The following PRKCB variants were observed in gnomAD, a reference collection of about 807,000 sequenced individuals.
PRKCB encodes protein kinase C beta type.
PRKCB carries 13 observed loss-of-function variants against 81.5 expected under a neutral mutation model. The ratio of observed to expected loss-of-function variants is 0.16; its 90% CI spans 0.10 to 0.25. The LOEUF (loss-of-function observed/expected upper bound fraction) is 0.25, where lower values mean the gene tolerates loss of function less well. Among genes scored for constraint, PRKCB ranks in the 10% least tolerant of loss-of-function variants. The pLI is 1.00. For synonymous variants in PRKCB, 335 were observed against 321.4 expected (o/e 1.04, Z -0.45); for missense variants, 509 against 875.7 (o/e 0.58, Z 5.29).
chr16:23,931,186 G>T (rs1032832416), intron 2 of PRKCB, among the ~76,000 whole-genome samples: 4 of 152,208 alleles, frequency 2.6e-5, no homozygotes, highest in Admixed American at 6.5e-5. Context: ...TAATGCCGCT[G>T]TTAGCCCCAG....
intron 5 of PRKCB, among the ~76,000 whole-genome samples, chr16:24,038,393 T>C (rs1965651301): frequency 6.6e-6 from 1 of 152,250 alleles, no homozygotes. Flanking sequence ...AGAAGTTTAA[T>C]AGCACTTTGT....
At chr16:24,073,487 A>G (rs1465108207) in intron 5 of PRKCB, among the ~76,000 whole-genome samples, 1 of 152,118 alleles carries the variant, frequency 6.6e-6, no homozygotes, top group East Asian at 1.9e-4. Context: ...GCATGCCACC[A>G]TGTCTGGCTA....
chr16:24,191,103 A>G lies in PRKCB; in HGVS notation c.1736A>G (p.His579Arg). Reference sequence around the variant, plus strand: ...TTTCTCTCGAAGCTGATGACCAAACACCCAGGCAAACGTCTGGGTTGTGGA... The same window carrying G: ...TTTCTCTCGAAGCTGATGACCAAACGCCCAGGCAAACGTCTGGGTTGTGGA... ...VAICKGLMTKHPGKRLGCGPE... is the reference protein window; with the variant it reads ...VAICKGLMTKRPGKRLGCGPE... Residue 579 changes from histidine to arginine, a missense_variant, in exon 16 of 17, where the codon CAC (histidine) becomes CGC (arginine). His to Arg is a conservative substitution (Grantham distance 29, BLOSUM62 0). Transcript: ENST00000643927. 2 of 1,613,876 alleles carry G rather than the reference A, an allele frequency of 1.2e-6. No individual in the cohort carries two copies. Among genetic ancestry groups the G allele is most frequent in the Non-Finnish European group, 1.7e-6 (2 of 1,179,902 alleles).
chr16:24,215,206 C>T lies in PRKCB; in HGVS notation c.*390C>T, dbSNP rs1023381584. The T allele has an allele frequency of 2.5e-5, 25 of 1,007,642 alleles. No homozygotes were observed. The highest frequency in any genetic ancestry group is 5.1e-4 in the Middle Eastern group (1 of 1,976). The allele number at this position is 1,007,642 out of a possible 1,614,324, so 62.4% of individuals were successfully genotyped here. On this transcript the variant is annotated 3_prime_UTR_variant, in exon 17 of 17. Coordinates refer to ENST00000643927, the MANE Select transcript of PRKCB (RefSeq NM_002738.7). ...GATGTTAGCGGTACTCTTCCACTTC[C>T]GGGCCTGGAGCTTGGCTTGTATCCA...
At chr16:23,989,538 A>G (rs1164647336) in intron 3 of PRKCB, among the ~76,000 whole-genome samples, 1 of 152,210 alleles carries the variant, frequency 6.6e-6, no homozygotes, top group Non-Finnish European at 1.5e-5. Flanking sequence ...TTATAAATGT[A>G]TTTTAATGTG....
intron 2 of PRKCB, among the ~76,000 whole-genome samples, chr16:23,950,511 G>A (rs976363466): frequency 6.6e-6 from 1 of 152,214 alleles, no homozygotes; most frequent in Admixed American, 6.5e-5. Flanking sequence ...CAGTACTGCC[G>A]TGGACAAGCT....
At chr16:23,907,876 C>T (rs548523224) in intron 2 of PRKCB, among the ~76,000 whole-genome samples, 2 of 152,282 alleles carry the variant, frequency 1.3e-5, no homozygotes, top group South Asian at 4.1e-4. Flanking sequence ...CAAGGCCTGG[C>T]CATGGATCCA....
chr16:23,927,596 G>A (rs1208306538), intron 2 of PRKCB, among the ~76,000 whole-genome samples: 1 of 152,030 alleles, frequency 6.6e-6, no homozygotes, highest in Non-Finnish European at 1.5e-5. Flanking sequence ...GTTAGGAGGC[G>A]GTGGTAGTAA....
chr16:23,930,651 C>A (rs1196549049), intron 2 of PRKCB, among the ~76,000 whole-genome samples: 1 of 152,102 alleles, frequency 6.6e-6, no homozygotes, highest in Non-Finnish European at 1.5e-5. Flanking sequence ...ATTCAGCTTT[C>A]AATGTCTGTC....
At chr16:24,048,573 T>G (rs538108639) in intron 5 of PRKCB, among the ~76,000 whole-genome samples, 1 of 151,434 alleles carries the variant, frequency 6.6e-6, no homozygotes, top group South Asian at 2.1e-4. Flanking sequence ...CACTGCAACC[T>G]CCGCCTCCCT....
Position 24,020,988 on chromosome 16 carries a change from C to CTTTCTTTCTTTCT in PRKCB, c.289-11145_289-11133dup, listed in dbSNP as rs1302789333. 1.9e-4 allele frequency among the ~76,000 whole-genome samples: 23 copies of CTTTCTTTCTTTCT among 121,166 alleles called. 1 individual carries two copies. In the East Asian group the frequency reaches 5.9e-3, roughly 31 times the overall value. 79.5% of individuals were successfully genotyped at this position (121,166 alleles called of 152,430 possible). A position where few individuals can be genotyped will look rare whatever the true frequency, so the allele number is the denominator to read the frequency against. ...GAGAGACTTTTCTTTTTCTTTCTTT[C>CTTTCTTTCTTTCT]TTTCTTTCTTTCTTTCTTTCTTTCT... On this transcript the variant is annotated intron_variant, in intron 3 of 16. Coordinates refer to ENST00000643927, the MANE Select transcript of PRKCB (RefSeq NM_002738.7).
intron 3 of PRKCB, among the ~76,000 whole-genome samples, chr16:24,023,073 T>G (rs1965427232): frequency 6.6e-6 from 1 of 152,092 alleles, no homozygotes; most frequent in Non-Finnish European, 1.5e-5. Context: ...CTGTGTCTTT[T>G]TTTTTGTTTT....
chr16:24,017,783 G>A (rs914200083), intron 3 of PRKCB, among the ~76,000 whole-genome samples: 1 of 152,068 alleles, frequency 6.6e-6, no homozygotes, highest in Non-Finnish European at 1.5e-5. Context: ...AGGCTAGAGT[G>A]CAGTGGTGTG....
At chr16:23,867,332 G>C (rs966288374) in intron 2 of PRKCB, among the ~76,000 whole-genome samples, 3 of 152,136 alleles carry the variant, frequency 2.0e-5, no homozygotes, top group African/African-American at 7.2e-5. Flanking sequence ...ATGTTGGCCA[G>C]GTGGGTCTTG....
At chr16:24,120,660 G>T (rs1218824997) in intron 8 of PRKCB, among the ~76,000 whole-genome samples, 2 of 152,112 alleles carry the variant, frequency 1.3e-5, no homozygotes, top group African/African-American at 4.8e-5. Context: ...TGCCCAATCT[G>T]CTACCCATCT....
intron 8 of PRKCB, among the ~76,000 whole-genome samples, chr16:24,121,577 G>C (rs982181146): frequency 2.6e-5 from 4 of 152,068 alleles, no homozygotes; most frequent in Admixed American, 1.3e-4. Context: ...GGGTCTGGCT[G>C]TGTTGCCCAG....
In PRKCB at chr16:24,217,733, A is replaced by G. The variant is rs1245477143; in HGVS notation, c.*2917A>G. On this transcript the variant is annotated 3_prime_UTR_variant, in exon 17 of 17. Transcript: ENST00000643927. ...TTTGATAAGAGGCCCACAGGCAGGG[A>G]AAGCGAAATAGGGTTGATGAGACCA... 11 of 985,312 alleles carry G rather than the reference A, an allele frequency of 1.1e-5. No individual in the cohort carries two copies. The highest frequency in any genetic ancestry group is 5.2e-4 in the Middle Eastern group (1 of 1,936). The allele number at this position is 985,312 out of a possible 1,614,324, so 61.0% of individuals were successfully genotyped here. A position where few individuals can be genotyped will look rare whatever the true frequency, so the allele number is the denominator to read the frequency against.
chr16:24,087,878 A>G (rs1966328291), intron 5 of PRKCB, among the ~76,000 whole-genome samples: 1 of 152,142 alleles, frequency 6.6e-6, no homozygotes, highest in African/African-American at 2.4e-5. Context: ...GGCAGACCTC[A>G]CCCTGCACCC....
chr16:24,171,386 ATC>A (rs1253074299), intron 10 of PRKCB, among the ~76,000 whole-genome samples: 1 of 152,130 alleles, frequency 6.6e-6, no homozygotes, highest in African/African-American at 2.4e-5. Context: ...AAAGCAAGTG[ATC>A]TGAGAGAGAG....
Sources: gnomAD v4.1 joint callset for allele counts (sites outside exome capture counted in the v4.1 genomes callset) on GRCh38, gnomAD v4.1.1 for gene constraint, MANE v1.5 for transcripts, NCBI Gene and HGNC (gene_info 2026-07-23, HGNC 2026-07-21) for gene names.